The following KLHL13 variants were observed in gnomAD, a reference collection of about 807,000 sequenced individuals.
KLHL13 encodes kelch-like protein 13.
KLHL13 carries 10 observed loss-of-function variants against 37.1 expected under a neutral mutation model. That is an observed-to-expected ratio of 0.27 (90% CI 0.17 to 0.46). KLHL13 has a LOEUF of 0.46. Among genes scored for constraint, KLHL13 ranks in the 20% least tolerant of loss-of-function variants. KLHL13 has a pLI of 1.00. For missense variants in KLHL13, 360 were observed against 509.3 expected (o/e 0.71, Z 2.82); for synonymous variants, 163 against 181.2 (o/e 0.90, Z 0.81).
intron 1 of KLHL13, among the ~76,000 whole-genome samples, chrX:117,982,791 T>C (rs12396523): frequency 0.15 from 17,268 of 111,493 alleles, 1,789 homozygotes; most frequent in African/African-American, 0.37. Flanking sequence ...GCTGAATATC[T>C]CTTAGCTATA....
intron 1 of KLHL13, among the ~76,000 whole-genome samples, chrX:118,029,087 G>C (rs1437292743): frequency 6.3e-5 from 7 of 111,366 alleles, no homozygotes; most frequent in Non-Finnish European, 1.3e-4. Context: ...TGGGGGTCTT[G>C]GAACATACCA....
chrX:118,112,870 T>C (rs2055427443), intron 1 of KLHL13, among the ~76,000 whole-genome samples: 1 of 111,962 alleles, frequency 8.9e-6, no homozygotes, highest in African/African-American at 3.2e-5. Context: ...AATAAAGGTA[T>C]GGCCATTTGA....
At chrX:118,047,125 T>C (rs1212560821) in intron 1 of KLHL13, among the ~76,000 whole-genome samples, 1 of 111,726 alleles carries the variant, frequency 9.0e-6, no homozygotes, top group Non-Finnish European at 1.9e-5. Context: ...TGGGTAGCCA[T>C]TTGGTTGTGT....
intron 1 of KLHL13, among the ~76,000 whole-genome samples, chrX:117,964,922 A>C (rs2053389730): frequency 9.0e-6 from 1 of 111,451 alleles, no homozygotes. Flanking sequence ...TGAACTCATC[A>C]TTTTTTATGG....
intron 1 of KLHL13, among the ~76,000 whole-genome samples, chrX:117,953,187 A>G (rs1933721486): frequency 9.0e-6 from 1 of 111,067 alleles, no homozygotes; most frequent in Non-Finnish European, 1.9e-5. Context: ...TGGATTAAGA[A>G]AATGTGGCAC....
intron 1 of KLHL13, among the ~76,000 whole-genome samples, chrX:118,011,957 T>A (rs1437186686): frequency 1.8e-5 from 2 of 112,485 alleles, no homozygotes; most frequent in Non-Finnish European, 3.8e-5. Flanking sequence ...AATATTTGAA[T>A]ATTCAATTTT....
intron 1 of KLHL13, among the ~76,000 whole-genome samples, chrX:117,955,077 A>G (rs189260332): frequency 8.9e-6 from 1 of 112,094 alleles, no homozygotes; most frequent in East Asian, 2.8e-4. Context: ...ACTGTGTTTC[A>G]CCTTCCTAAG....
At chrX:117,971,082 T>C (rs1051637814) in intron 1 of KLHL13, among the ~76,000 whole-genome samples, 1 of 111,510 alleles carries the variant, frequency 9.0e-6, no homozygotes. Flanking sequence ...ATTTAAAATG[T>C]TGTGTTGAGT....
At chrX:118,093,468 C>T (rs2055163736) in intron 1 of KLHL13, among the ~76,000 whole-genome samples, 1 of 111,450 alleles carries the variant, frequency 9.0e-6, no homozygotes, top group East Asian at 2.8e-4. Flanking sequence ...GTTTAGAGTC[C>T]ACAGTCTTAA....
intron 1 of KLHL13, among the ~76,000 whole-genome samples, chrX:118,011,326 G>C (rs1028942537): frequency 9.1e-6 from 1 of 109,363 alleles, no homozygotes; most frequent in Non-Finnish European, 1.9e-5. Flanking sequence ...AGGTAGACAG[G>C]AGCCATATAA....
At chrX:118,050,348 T>A (rs2054600892) in intron 1 of KLHL13, among the ~76,000 whole-genome samples, 1 of 112,573 alleles carries the variant, frequency 8.9e-6, no homozygotes, top group South Asian at 3.7e-4. Flanking sequence ...CTTGTATTAA[T>A]GCAATTCTAT....
At chrX:118,094,140 G>GA (rs929183820) in intron 1 of KLHL13, among the ~76,000 whole-genome samples, 1 of 109,570 alleles carries the variant, frequency 9.1e-6, no homozygotes, top group Non-Finnish European at 1.9e-5. Flanking sequence ...TAAAAACCTT[G>GA]AAAAAAAATT....
chrX:118,077,923 AG>A (rs1248276962), intron 1 of KLHL13, among the ~76,000 whole-genome samples: 1 of 112,135 alleles, frequency 8.9e-6, no homozygotes, highest in Non-Finnish European at 1.9e-5. Flanking sequence ...CAAACTCTAA[AG>A]TAATGTACAG....
chrX:118,102,233 T>C (rs1026050271), intron 1 of KLHL13, among the ~76,000 whole-genome samples: 2 of 111,937 alleles, frequency 1.8e-5, no homozygotes, highest in Non-Finnish European at 3.8e-5. Context: ...TGATGAATGA[T>C]TAAAGGTTTA....
intron 1 of KLHL13, among the ~76,000 whole-genome samples, chrX:118,042,329 A>G (rs1300322972): frequency 1.8e-5 from 2 of 111,898 alleles, no homozygotes; most frequent in Non-Finnish European, 3.8e-5. Context: ...GAAACATTGG[A>G]CTTAATCTGC....
At chrX:118,064,182 A>G (rs1347597247) in intron 1 of KLHL13, among the ~76,000 whole-genome samples, 1 of 112,004 alleles carries the variant, frequency 8.9e-6, no homozygotes, top group East Asian at 2.8e-4. Context: ...CATTTATGTT[A>G]CAAAATTTGT....
chrX:117,977,302 A>G (rs1296850934), upstream of KLHL13, among the ~76,000 whole-genome samples: 2 of 112,332 alleles, frequency 1.8e-5, no homozygotes, highest in Admixed American at 1.9e-4. Context: ...GTTCAGGAAG[A>G]AAATATAATT....
intron 1 of KLHL13, among the ~76,000 whole-genome samples, chrX:118,037,177 T>A (rs1391940303): frequency 1.1e-5 from 1 of 90,066 alleles, no homozygotes; most frequent in Non-Finnish European, 2.2e-5. Context: ...ATTGTGGAAG[T>A]CAGTGTGGCG....
At chrX:117,990,569 C>T (rs1170510149) in intron 1 of KLHL13, among the ~76,000 whole-genome samples, 4 of 111,451 alleles carry the variant, frequency 3.6e-5, no homozygotes, top group African/African-American at 9.8e-5. Flanking sequence ...CAAGTCATGA[C>T]GAAAGAGTAA....
Sources: allele counts gnomAD v4.1 joint callset (sites outside exome capture counted in the v4.1 genomes callset), GRCh38; gene constraint gnomAD v4.1.1; transcripts MANE v1.5; gene names NCBI Gene and HGNC (gene_info 2026-07-23, HGNC 2026-07-21).